The following DDC variants were observed in gnomAD, a reference collection of about 807,000 sequenced individuals.
DDC encodes dopa decarboxylase.
A neutral mutation model predicts 60.0 loss-of-function variants in DDC; 43 were observed. The ratio of observed to expected loss-of-function variants is 0.72; its 90% CI spans 0.56 to 0.92. DDC has a LOEUF of 0.92. Ranked by LOEUF, DDC falls within the 40% of genes least tolerant of loss-of-function variation. The probability of loss-of-function intolerance (pLI) is 0.00; values close to 1 mark genes in which losing one functional copy is unlikely to be tolerated. For synonymous variants in DDC, 232 were observed against 234.6 expected, an observed-to-expected ratio of 0.99 and a Z score of 0.10; for missense variants, 573 against 620.2, an observed-to-expected ratio of 0.92 and a Z score of 0.81.
In DDC at chr7:50,477,696, G is replaced by A. The variant is rs2042677638; in HGVS notation, c.1022-1053C>T. On this transcript the variant is annotated intron_variant, in intron 10 of 14. Coordinates refer to ENST00000444124, the MANE Select transcript of DDC (RefSeq NM_001082971.2). ...AGGAGATGCAAGACCTCCACCCCCT[G>A]TTTTATGAGTGACCCTGAGATGGAA... The A allele has an allele frequency of 9.8e-5, 33 of 337,044 alleles. 1 individual carries two copies. Among genetic ancestry groups the A allele is most frequent in the South Asian group, 7.2e-4 (33 of 45,744 alleles). 20.9% of individuals were successfully genotyped at this position (337,044 alleles called of 1,614,324 possible). A position where few individuals can be genotyped will look rare whatever the true frequency, so the allele number is the denominator to read the frequency against.
intron 6 of DDC, among the ~76,000 whole-genome samples, chr7:50,513,759 G>A (rs1377252723): frequency 1.3e-5 from 2 of 151,924 alleles, no homozygotes; most frequent in South Asian, 2.1e-4. Context: ...AATCCTCCTA[G>A]GTACACAACT....
chr7:50,509,182 T>C (rs1336321361), intron 6 of DDC, among the ~76,000 whole-genome samples: 1 of 151,888 alleles, frequency 6.6e-6, no homozygotes, highest in Non-Finnish European at 1.5e-5. Flanking sequence ...GCTGGTACGG[T>C]GCCGGTGCAT....
chr7:50,508,612 T>G (rs2043464540), intron 6 of DDC, among the ~76,000 whole-genome samples: 1 of 152,224 alleles, frequency 6.6e-6, no homozygotes. Flanking sequence ...CTTTTCTGGT[T>G]CAAACCCTGC....
intron 9 of DDC, among the ~76,000 whole-genome samples, chr7:50,491,350 A>G (rs900432667): frequency 6.6e-6 from 1 of 151,538 alleles, no homozygotes; most frequent in East Asian, 1.9e-4. Context: ...TCCTCCACCT[A>G]TTTTTTTCCT....
rs976255813 is a variant in DDC, at chr7:50,504,133, G to A, written c.715-74C>T. 4.7e-6 allele frequency: 5 copies of A among 1,058,384 alleles called. No individual in the cohort carries two copies. The African/African-American group carries it at 7.8e-5, about 17-fold the overall frequency. 65.6% of individuals were successfully genotyped at this position (1,058,384 alleles called of 1,614,324 possible). On this transcript the variant is annotated intron_variant, in intron 6 of 14. Transcript: ENST00000444124. Reference sequence around the variant, plus strand: ...CGCTGTAACCTCCACACAAGCAACTGCTGCCCCATGGTCCAACCTGGGGCC... The same window carrying A: ...CGCTGTAACCTCCACACAAGCAACTACTGCCCCATGGTCCAACCTGGGGCC...
chr7:50,529,340 TCC>T lies in DDC; in HGVS notation c.436_437del (p.Gly146LysfsTer4). 6.2e-7 allele frequency: 1 copy of T among 1,614,142 alleles called. No homozygotes were observed. The highest frequency in any genetic ancestry group is 8.5e-7 in the Non-Finnish European group (1 of 1,180,028). ...CCACCAGGGTGGCTTCACTGGCACT[TCC>T]CTAAATTCAAGAGAAGGTCCAAATG... ...KAGEGGGVIQ[G>X]SASEATLVAL... On this transcript the variant is annotated frameshift_variant and splice_region_variant, in exon 5 of 15. Coordinates refer to ENST00000444124, the MANE Select transcript of DDC (RefSeq NM_001082971.2). LOFTEE classifies it high-confidence loss of function.
intron 9 of DDC, among the ~76,000 whole-genome samples, chr7:50,487,983 T>C (rs1323946706): frequency 1.3e-5 from 2 of 152,124 alleles, no homozygotes; most frequent in East Asian, 1.9e-4. Flanking sequence ...GTTGGTTTAA[T>C]AGCAAACAGT....
chr7:50,474,191 A>G (rs2042591136), intron 11 of DDC, among the ~76,000 whole-genome samples: 1 of 152,234 alleles, frequency 6.6e-6, no homozygotes, highest in African/African-American at 2.4e-5. Flanking sequence ...TAGTAGAGAT[A>G]ACTAGTAGAG....
At chr7:50,555,580 A>G (rs1409410175) in intron 1 of DDC, among the ~76,000 whole-genome samples, 1 of 152,160 alleles carries the variant, frequency 6.6e-6, no homozygotes, top group Non-Finnish European at 1.5e-5. Context: ...TTACACTTGT[A>G]CCACTATTTT....
intron 8 of DDC, among the ~76,000 whole-genome samples, chr7:50,496,966 G>A (rs910259539): frequency 1.3e-5 from 2 of 152,236 alleles, no homozygotes; most frequent in African/African-American, 4.8e-5. Context: ...TTGAGAAAAG[G>A]ACAGGAAATT....
chr7:50,506,027 A>T (rs1380619749), intron 6 of DDC, among the ~76,000 whole-genome samples: 1 of 152,240 alleles, frequency 6.6e-6, no homozygotes, highest in Non-Finnish European at 1.5e-5. Flanking sequence ...GGGGAAAAAC[A>T]GCGGCAAGGG....
rs11575435 is a variant in DDC at position 50,494,201 on chromosome 7, T to A, written c.944+1149A>T. ...CTTATTCTAAATATCACCAAGGTAT[T>A]ATCATGCTGTTATTAAGAATTTCCG... On this transcript the variant is annotated intron_variant, in intron 9 of 14. Transcript: ENST00000444124. 3.6e-3 allele frequency among the ~76,000 whole-genome samples: 554 copies of A among 152,332 alleles called. 3 individuals are homozygous for A. The highest frequency in any genetic ancestry group is 0.013 in the African/African-American group (524 of 41,590).
Position 50,479,843 on chromosome 7 carries a change from A to C in DDC, c.965T>G (p.Leu322Ter), listed in dbSNP as rs1384687166. ...GGGGTCCAGTCTAAAGGCTCCCGTT[A>C]AGTCTGTTCTCTTTTTCACCCTGGT... ...SAMWVKKRTD[L>*]TGAFRLDPTY... The change falls in exon 10 of 15, where the codon TTA becomes TGA. Residue 322 changes from leucine (L) to a stop codon, truncating the protein, a stop_gained. Transcript: ENST00000444124. LOFTEE classifies it high-confidence loss of function. 3.7e-6 allele frequency: 6 copies of C among 1,613,552 alleles called. No individual in the cohort carries two copies. The highest frequency in any genetic ancestry group is 4.2e-6 in the Non-Finnish European group (5 of 1,179,956).
chr7:50,540,815 G>T (rs1585262501), intron 2 of DDC, among the ~76,000 whole-genome samples: 1 of 152,224 alleles, frequency 6.6e-6, no homozygotes, highest in East Asian at 1.9e-4. Context: ...GCTCCAGGTG[G>T]TATACTTGGG....
chr7:50,531,082 A>C (rs2044189972), intron 4 of DDC, among the ~76,000 whole-genome samples: 1 of 152,074 alleles, frequency 6.6e-6, no homozygotes, highest in Non-Finnish European at 1.5e-5. Flanking sequence ...TTAATTCAGC[A>C]TCTAAAATGG....
intron 3 of DDC, among the ~76,000 whole-genome samples, chr7:50,539,441 C>G (rs2153548961): frequency 6.6e-6 from 1 of 152,270 alleles, no homozygotes; most frequent in South Asian, 2.1e-4. Flanking sequence ...GAGCTAGGCC[C>G]TTTTCCAGAG....
At chr7:50,484,847 A>G (rs927432217) in intron 9 of DDC, among the ~76,000 whole-genome samples, 2 of 152,178 alleles carry the variant, frequency 1.3e-5, no homozygotes, top group African/African-American at 2.4e-5. Flanking sequence ...AAAATCTACA[A>G]CACTACATAG....
chr7:50,562,627 T>C lies in DDC; in HGVS notation c.-29+2658A>G, dbSNP rs2045366801. On this transcript the variant is annotated intron_variant, in intron 1 of 14. Transcript: ENST00000444124. ...ATGCACCCATGAGAAAGAGCCCTGG[T>C]CAGGGAGGACTGGCCAGGAGCTTGG... Among the ~76,000 whole-genome samples the C allele has an allele frequency of 2.0e-5, 3 of 152,114 alleles. No individual in the cohort carries two copies. In the South Asian group the frequency reaches 6.2e-4, roughly 31 times the overall value.
intron 1 of DDC, among the ~76,000 whole-genome samples, chr7:50,551,979 G>A (rs2045011843): frequency 6.6e-6 from 1 of 151,978 alleles, no homozygotes; most frequent in African/African-American, 2.4e-5. Context: ...AGCTTCTGGG[G>A]ATATCAGCTT....
Sources: gnomAD v4.1 joint callset for allele counts (sites outside exome capture counted in the v4.1 genomes callset) on GRCh38, gnomAD v4.1.1 for gene constraint, MANE v1.5 for transcripts, NCBI Gene and HGNC (gene_info 2026-07-23, HGNC 2026-07-21) for gene names.